Variants in BNC2 observed in about 807,000 individuals in gnomAD.
BNC2 encodes basonuclin zinc finger protein 2, also known as zinc finger protein basonuclin-2.
BNC2 carries 20 observed loss-of-function variants against 76.3 expected under a neutral mutation model. The ratio of observed to expected loss-of-function variants is 0.26; its 90% CI spans 0.18 to 0.38. BNC2 has a LOEUF of 0.38. BNC2 is among the 10% of genes least tolerant of loss of function. The pLI is 1.00. For synonymous variants in BNC2, 582 were observed against 514.8 expected, an observed-to-expected ratio of 1.13 and a Z score of -1.77; for missense variants, 1,382 against 1,399.8, an observed-to-expected ratio of 0.99 and a Z score of 0.20.
At chr9:16,496,426 C>T (rs1280761212) in intron 5 of BNC2, among the ~76,000 whole-genome samples, 1 of 152,136 alleles carries the variant, frequency 6.6e-6, no homozygotes, top group Non-Finnish European at 1.5e-5. Context: ...AAAAATAGCA[C>T]CATTATTGTG....
intron 5 of BNC2, among the ~76,000 whole-genome samples, chr9:16,517,592 C>A (rs1817478254): frequency 6.6e-6 from 1 of 152,066 alleles, no homozygotes; most frequent in Non-Finnish European, 1.5e-5. Context: ...CACAAGTGCA[C>A]ACAAACTTAA....
intron 1 of BNC2, among the ~76,000 whole-genome samples, chr9:16,808,003 C>A (rs1563952417): frequency 6.6e-6 from 1 of 152,044 alleles, no homozygotes; most frequent in East Asian, 1.9e-4. Flanking sequence ...GTTTCCTTGT[C>A]TGTAAAATAA....
chr9:16,433,311 CT>C (rs1180240042), intron 6 of BNC2, among the ~76,000 whole-genome samples: 2 of 152,152 alleles, frequency 1.3e-5, no homozygotes, highest in African/African-American at 4.8e-5. Flanking sequence ...TTGCAATTTG[CT>C]TTTTCATTTA....
Position 16,777,844 on chromosome 9 carries a change from A to T in BNC2, c.4-39359T>A, listed in dbSNP as rs75637592. On this transcript the variant is annotated intron_variant, in intron 1 of 6. Transcript: ENST00000380672. ...CTCCCAAAGAGAAGTGGTGACAATA[A>T]GTATGGTACTCCCATACAATGGAAT... is the stretch of plus-strand genomic sequence containing the variant. Among the ~76,000 whole-genome samples, 495 of 152,324 alleles carry T rather than the reference A, an allele frequency of 3.2e-3. 1 individual carries two copies. Among genetic ancestry groups the T allele is most frequent in the African/African-American group, 0.011 (456 of 41,576 alleles).
At chr9:16,642,246 G>T (rs1009620168) in intron 3 of BNC2, among the ~76,000 whole-genome samples, 1 of 152,068 alleles carries the variant, frequency 6.6e-6, no homozygotes, top group Non-Finnish European at 1.5e-5. Flanking sequence ...TAAGGAAAAG[G>T]AGAAAGAAAA....
intron 5 of BNC2, among the ~76,000 whole-genome samples, chr9:16,459,228 T>G (rs1821520808): frequency 1.3e-5 from 2 of 152,154 alleles, no homozygotes; most frequent in Non-Finnish European, 2.9e-5. Flanking sequence ...GCAATCACGT[T>G]CTCCTATAGC....
chr9:16,507,322 T>C (rs966886224), intron 5 of BNC2, among the ~76,000 whole-genome samples: 1 of 141,486 alleles, frequency 7.1e-6, no homozygotes, highest in Non-Finnish European at 1.5e-5. Flanking sequence ...TGGAGTGCAG[T>C]GGCTTGATCT....
chr9:16,855,627 TC>T (rs1446809481), intron 1 of BNC2, among the ~76,000 whole-genome samples: 1 of 151,966 alleles, frequency 6.6e-6, no homozygotes, highest in African/African-American at 2.4e-5. Flanking sequence ...AACCTCCACC[TC>T]CCGGGTTCAC....
In BNC2 at chr9:16,421,904, C is replaced by T. The variant is rs78643211; in HGVS notation, c.2640-2255G>A. Among the ~76,000 whole-genome samples the T allele has an allele frequency of 2.4e-4, 37 of 152,306 alleles. No individual in the cohort carries two copies. The East Asian group carries it at 6.4e-3, about 26-fold the overall frequency. On this transcript the variant is annotated intron_variant, in intron 6 of 6. Coordinates refer to ENST00000380672, the MANE Select transcript of BNC2 (RefSeq NM_017637.6). ...ACACCCTCCCCCTTTCTTAATTTCA[C>T]GAGCACACATTTTGCGATGACTGTA...
chr9:16,821,153 A>T (rs1263466275), intron 1 of BNC2, among the ~76,000 whole-genome samples: 1 of 151,684 alleles, frequency 6.6e-6, no homozygotes, highest in African/African-American at 2.4e-5. Flanking sequence ...GAATCACTTC[A>T]ACCCAGGAGG....
intron 3 of BNC2, among the ~76,000 whole-genome samples, chr9:16,641,021 T>C (rs556317756): frequency 6.6e-5 from 10 of 152,292 alleles, no homozygotes; most frequent in African/African-American, 2.4e-4. Context: ...TATAGGAAAT[T>C]GGACCCTCAG....
intron 5 of BNC2, among the ~76,000 whole-genome samples, chr9:16,469,835 G>A (rs1821782727): frequency 6.6e-6 from 1 of 152,096 alleles, no homozygotes; most frequent in Non-Finnish European, 1.5e-5. Flanking sequence ...GAGCAAAGGT[G>A]ACTTTTGTTA....
intron 3 of BNC2, among the ~76,000 whole-genome samples, chr9:16,619,362 C>T (rs1820800845): frequency 6.6e-6 from 1 of 152,012 alleles, no homozygotes; most frequent in African/African-American, 2.4e-5. Context: ...CCAAAAAGCA[C>T]CCTTCTGGCA....
intron 1 of BNC2, among the ~76,000 whole-genome samples, chr9:16,751,664 ATGTATG>A (rs1825209238): frequency 2.6e-5 from 2 of 76,576 alleles, no homozygotes; most frequent in South Asian, 4.1e-4. Flanking sequence ...ATATATATGT[ATGTATG>A]TGTATATATA....
At chr9:16,765,365 G>A (rs1371041994) in intron 1 of BNC2, among the ~76,000 whole-genome samples, 2 of 152,098 alleles carry the variant, frequency 1.3e-5, no homozygotes, top group African/African-American at 2.4e-5. Flanking sequence ...CTATTTTGGA[G>A]AAGCAAAAAT....
At chr9:16,741,957 CA>C (rs35573018) in intron 1 of BNC2, among the ~76,000 whole-genome samples, 2,830 of 79,266 alleles carry the variant, frequency 0.036, 38 homozygotes, top group East Asian at 0.11. Context: ...GGCTCCATCT[CA>C]AAAAAAAAAA....
At chr9:16,813,242 A>G (rs16923229) in intron 1 of BNC2, among the ~76,000 whole-genome samples, 3,628 of 151,814 alleles carry the variant, frequency 0.024, 145 homozygotes, top group African/African-American at 0.083. Flanking sequence ...CAACATTACC[A>G]TAACGGAAGC....
chr9:16,845,654 G>C (rs1018665545), intron 1 of BNC2, among the ~76,000 whole-genome samples: 1 of 152,122 alleles, frequency 6.6e-6, no homozygotes, highest in Non-Finnish European at 1.5e-5. Context: ...TTGAGAGGCG[G>C]AGCTTGCAGT....
chr9:16,803,538 G>A (rs1817832789), intron 1 of BNC2, among the ~76,000 whole-genome samples: 1 of 152,186 alleles, frequency 6.6e-6, no homozygotes, highest in South Asian at 2.1e-4. Flanking sequence ...TAACGGTAAT[G>A]GGGAATTTGC....
Sources: gnomAD v4.1 joint callset for allele counts (sites outside exome capture counted in the v4.1 genomes callset) on GRCh38, gnomAD v4.1.1 for gene constraint, MANE v1.5 for transcripts, NCBI Gene and HGNC (gene_info 2026-07-23, HGNC 2026-07-21) for gene names.